The following BMPER variants were observed in gnomAD, a reference collection of about 807,000 sequenced individuals.
The protein encoded by BMPER is BMP-binding endothelial regulator protein.
A neutral mutation model predicts 87.3 loss-of-function variants in BMPER; 45 were observed. The observed-to-expected ratio is 0.52, with a 90% CI of 0.41 to 0.66. The LOEUF (loss-of-function observed/expected upper bound fraction) is 0.66. Ranked by LOEUF, BMPER falls within the 30% of genes least tolerant of loss-of-function variation. BMPER has a pLI of 0.00. For missense variants in BMPER, 784 were observed against 867.5 expected, an observed-to-expected ratio of 0.90 and a Z score of 1.21; for synonymous variants, 326 against 316.2, an observed-to-expected ratio of 1.03 and a Z score of -0.33.
chr7:34,102,095 CAT>C (rs1789695350), intron 13 of BMPER, among the ~76,000 whole-genome samples: 1 of 152,086 alleles, frequency 6.6e-6, no homozygotes, highest in South Asian at 2.1e-4. Flanking sequence ...TCACTTCACA[CAT>C]GACTTGATTC....
chr7:34,138,165 C>T (rs1017886528), intron 13 of BMPER, among the ~76,000 whole-genome samples: 2 of 152,054 alleles, frequency 1.3e-5, no homozygotes, highest in Admixed American at 6.5e-5. Context: ...TTTAAATAAC[C>T]ACATGTGTCT....
intron 3 of BMPER, among the ~76,000 whole-genome samples, chr7:33,943,256 CTTTTATTT>C (rs1391206140): frequency 7.2e-5 from 11 of 152,056 alleles, no homozygotes. Context: ...TGTTTGTGTA[CTTTTATTT>C]TTACATAAAT....
intron 13 of BMPER, among the ~76,000 whole-genome samples, chr7:34,102,043 G>A (rs1359118269): frequency 2.0e-5 from 3 of 152,194 alleles, no homozygotes; most frequent in Non-Finnish European, 2.9e-5. Flanking sequence ...TTGTAAAAAT[G>A]AAAATTAATT....
upstream of BMPER, chr7:33,905,359 G>GTA: frequency 4.0e-6 from 1 of 249,018 alleles, no homozygotes; most frequent in Non-Finnish European, 7.2e-6. Context: ...ACTCCCTCAG[G>GTA]AAAAAAAAAA....
intron 3 of BMPER, among the ~76,000 whole-genome samples, chr7:33,958,752 T>A (rs1024122747): frequency 3.3e-5 from 5 of 152,152 alleles, no homozygotes; most frequent in Non-Finnish European, 4.4e-5. Flanking sequence ...GGGGGTAAAA[T>A]GTTATCTGTT....
At chr7:34,035,905 A>T (rs1385617056) in intron 6 of BMPER, among the ~76,000 whole-genome samples, 1 of 152,182 alleles carries the variant, frequency 6.6e-6, no homozygotes, top group Non-Finnish European at 1.5e-5. Flanking sequence ...TTAGGAAAAC[A>T]GTTCATTGGT....
At position 33,906,806 on chromosome 7, in the gene BMPER, C is replaced by T; in HGVS notation, c.134-12C>T. The T allele has an allele frequency of 1.2e-6, 2 of 1,609,054 alleles. No individual in the cohort carries two copies. The highest frequency in any genetic ancestry group is 1.7e-6 in the Non-Finnish European group (2 of 1,175,624). Reference sequence around the variant, plus strand: ...AACTTTAAATGAAACATTTTTCCCCCCTGAATTTCAGGTTCTGTTGCAAAA... The same window carrying T: ...AACTTTAAATGAAACATTTTTCCCCTCTGAATTTCAGGTTCTGTTGCAAAA... On this transcript the variant is annotated splice_polypyrimidine_tract_variant and intron_variant, in intron 1 of 14. Coordinates refer to ENST00000649409, the MANE Select transcript of BMPER (RefSeq NM_001365308.1).
intron 2 of BMPER, chr7:33,921,640 G>C: frequency 4.7e-6 from 2 of 428,658 alleles, no homozygotes; most frequent in East Asian, 7.2e-5. Flanking sequence ...GGTGGGACAG[G>C]CTGACCCGCT....
At chr7:34,041,669 A>G (rs2052056820) in intron 6 of BMPER, among the ~76,000 whole-genome samples, 2 of 152,194 alleles carry the variant, frequency 1.3e-5, no homozygotes, top group South Asian at 4.2e-4. Flanking sequence ...GTGATGTAAG[A>G]TTATGGACCA....
chr7:33,983,307 C>T (rs898825912), intron 6 of BMPER, among the ~76,000 whole-genome samples: 1 of 151,956 alleles, frequency 6.6e-6, no homozygotes, highest in Non-Finnish European at 1.5e-5. Flanking sequence ...CTGAAATATT[C>T]TGTAAAGCTA....
chr7:34,131,970 T>C (rs1475627516), intron 13 of BMPER, among the ~76,000 whole-genome samples: 3 of 152,118 alleles, frequency 2.0e-5, no homozygotes, highest in Non-Finnish European at 4.4e-5. Flanking sequence ...TCTTTAGGGA[T>C]TCGTTGGGGG....
chr7:33,919,024 G>A (rs1019205815), intron 2 of BMPER, among the ~76,000 whole-genome samples: 1 of 152,156 alleles, frequency 6.6e-6, no homozygotes. Flanking sequence ...GTACCAGATG[G>A]TGTTGCTTCC....
At chr7:33,932,418 A>G (rs976307543) in intron 2 of BMPER, among the ~76,000 whole-genome samples, 4 of 152,222 alleles carry the variant, frequency 2.6e-5, no homozygotes, top group African/African-American at 9.6e-5. Context: ...AAGATCTGTC[A>G]CTTTGAATTT....
In BMPER at chr7:33,954,983, C is replaced by T. The variant is rs771938336; in HGVS notation, c.320-11496C>T. On this transcript the variant is annotated intron_variant, in intron 3 of 14. Transcript: ENST00000649409. ...CGTGATCTTGGCTTACCACAACCTCCGCCTGCCGGGTTCAAGCGATTCTCC... is the reference window on the plus strand; with the variant it reads ...CGTGATCTTGGCTTACCACAACCTCTGCCTGCCGGGTTCAAGCGATTCTCC... 7.0e-4 allele frequency among the ~76,000 whole-genome samples: 106 copies of T among 152,130 alleles called. 1 individual carries two copies. Among genetic ancestry groups the T allele is most frequent in the Admixed American group, 3.3e-4 (5 of 15,266 alleles).
intron 13 of BMPER, among the ~76,000 whole-genome samples, chr7:34,114,276 C>T (rs1344018869): frequency 6.6e-6 from 1 of 152,196 alleles, no homozygotes; most frequent in East Asian, 1.9e-4. Context: ...AGCCAAGGAC[C>T]TATGCCGGTC....
At chr7:34,046,990 T>C (rs1437281379) in intron 7 of BMPER, among the ~76,000 whole-genome samples, 1 of 151,826 alleles carries the variant, frequency 6.6e-6, no homozygotes, top group Non-Finnish European at 1.5e-5. Flanking sequence ...AAGTATATAA[T>C]TCCTATGTGT....
chr7:34,006,520 T>C (rs1444346416), intron 6 of BMPER, among the ~76,000 whole-genome samples: 1 of 152,092 alleles, frequency 6.6e-6, no homozygotes, highest in Admixed American at 6.6e-5. Flanking sequence ...CAAAATTTGA[T>C]GTGTACTCCA....
intron 6 of BMPER, among the ~76,000 whole-genome samples, chr7:34,012,283 C>T (rs967028893): frequency 1.3e-5 from 2 of 151,786 alleles, no homozygotes; most frequent in African/African-American, 4.8e-5. Flanking sequence ...TCAATGCAAC[C>T]TCTTACAACT....
chr7:33,990,181 C>A (rs1470511315), intron 6 of BMPER, among the ~76,000 whole-genome samples: 1 of 150,124 alleles, frequency 6.7e-6, no homozygotes, highest in Non-Finnish European at 1.5e-5. Context: ...ATGGGGATGG[C>A]ATTGAATCTG....
Sources: gnomAD v4.1 joint callset for allele counts (sites outside exome capture counted in the v4.1 genomes callset) on GRCh38, gnomAD v4.1.1 for gene constraint, MANE v1.5 for transcripts, NCBI Gene and HGNC (gene_info 2026-07-23, HGNC 2026-07-21) for gene names.